Variants in ZNF483 observed in about 807,000 individuals in gnomAD.
The protein encoded by ZNF483 is zinc finger protein HIT-10.
In ZNF483, 9 loss-of-function variants were observed where a neutral mutation model predicts 28.6. The observed-to-expected ratio is 0.32, with a 90% CI of 0.19 to 0.55. The LOEUF (loss-of-function observed/expected upper bound fraction) is 0.55. Ranked by LOEUF, ZNF483 falls within the 20% of genes least tolerant of loss-of-function variation. The pLI, the probability that ZNF483 is intolerant of heterozygous loss-of-function variation, is 0.93. For missense variants in ZNF483, 675 were observed against 871.7 expected (o/e 0.77, Z 2.84); for synonymous variants, 322 against 306.2 (o/e 1.05, Z -0.54).
chr9:111,574,605 A>T (rs1455631732), intron 5 of ZNF483: 29 of 143,654 alleles, frequency 2.0e-4, no homozygotes, highest in Middle Eastern at 3.3e-3. Flanking sequence ...ACTCTGTCTT[A>T]AAAAAAAAAA....
At chr9:111,568,217 A>G (rs1828657253) in intron 5 of ZNF483, among the ~76,000 whole-genome samples, 1 of 152,178 alleles carries the variant, frequency 6.6e-6, no homozygotes, top group Admixed American at 6.5e-5. Context: ...TAGGGAAGAT[A>G]TTGCTAAATT....
At position 111,527,323 on chromosome 9, in the gene ZNF483, T is replaced by C. The variant is rs1456436974; in HGVS notation, c.-73T>C. 5 of 1,481,032 alleles carry C rather than the reference T, an allele frequency of 3.4e-6. No individual in the cohort carries two copies. The highest frequency in any genetic ancestry group is 4.6e-5 in the East Asian group (2 of 43,886). 91.7% of individuals were successfully genotyped at this position (1,481,032 alleles called of 1,614,324 possible). A position where few individuals can be genotyped will look rare whatever the true frequency, so the allele number is the denominator to read the frequency against. Reference sequence around the variant, plus strand: ...AACCTTTGATATTCCTGGCTGTGTATAGTGCCTGTTGGTGGACTGTACTGA... The same window carrying C: ...AACCTTTGATATTCCTGGCTGTGTACAGTGCCTGTTGGTGGACTGTACTGA... On this transcript the variant is annotated 5_prime_UTR_variant, in exon 2 of 6. Transcript: ENST00000309235.
intron 5 of ZNF483, among the ~76,000 whole-genome samples, chr9:111,560,546 C>T (rs1228348844): frequency 1.4e-5 from 2 of 138,078 alleles, no homozygotes; most frequent in Admixed American, 1.6e-4. Context: ...GAGGCTGAGG[C>T]AGGAGAATTG....
intron 5 of ZNF483, among the ~76,000 whole-genome samples, chr9:111,567,293 T>G (rs1828606678): frequency 6.6e-6 from 1 of 152,170 alleles, no homozygotes; most frequent in Non-Finnish European, 1.5e-5. Flanking sequence ...GTTCAAGCGA[T>G]TCTCCTGCCT....
chr9:111,555,170 C>T lies in ZNF483; in HGVS notation c.*12000C>T, dbSNP rs983518957. On this transcript the variant is annotated 3_prime_UTR_variant, in exon 6 of 6. Transcript: ENST00000309235. ...AGTCTTCTATCTTATTTCCATCCTC[C>T]TCCAGGCCCAGGGTACCCAAGTTAA... Among the ~76,000 whole-genome samples the T allele has an allele frequency of 6.6e-6, 1 of 152,104 alleles. No homozygotes were observed. The highest frequency in any genetic ancestry group is 6.6e-5 in the Admixed American group (1 of 15,254).
In ZNF483 at chr9:111,548,701, T is replaced by C. The variant is rs1000455626; in HGVS notation, c.*5531T>C. The stretch of plus-strand genomic sequence containing the variant: ...GCTTTCTATTTTATATCATTCCGTA[T>C]GATGTTAGCTGTGGTCTTTTCATAT... On this transcript the variant is annotated 3_prime_UTR_variant, in exon 6 of 6. Transcript: ENST00000309235. Among the ~76,000 whole-genome samples the C allele has an allele frequency of 6.6e-6, 1 of 152,234 alleles. No individual in the cohort carries two copies. Among genetic ancestry groups the C allele is most frequent in the Admixed American group, 6.5e-5 (1 of 15,284 alleles).
exon 6 of ZNF483, chr9:111,576,381 A>G (rs1471775222): frequency 1.9e-6 from 3 of 1,613,924 alleles, no homozygotes; most frequent in Non-Finnish European, 2.5e-6. Flanking sequence ...ATGGAGCAGT[A>G]AAAAAGATGC....
intron 3 of ZNF483, among the ~76,000 whole-genome samples, chr9:111,533,280 G>A (rs1827395376): frequency 6.6e-6 from 1 of 152,228 alleles, no homozygotes; most frequent in Non-Finnish European, 1.5e-5. Flanking sequence ...GGCAGGGATT[G>A]TGTAATACCC....
Position 111,548,350 on chromosome 9 carries a change from A to G in ZNF483, c.*5180A>G, listed in dbSNP as rs536870216. ...CAATGTGTTACAGTTGTCATTGTACAAGTCTTTTGCCTCCTTGGTCAAGTT... is the reference window on the plus strand; with the variant it reads ...CAATGTGTTACAGTTGTCATTGTACGAGTCTTTTGCCTCCTTGGTCAAGTT... On this transcript the variant is annotated 3_prime_UTR_variant, in exon 6 of 6. Transcript: ENST00000309235. Among the ~76,000 whole-genome samples the G allele has an allele frequency of 2.8e-4, 42 of 152,300 alleles. No individual in the cohort carries two copies. The highest frequency in any genetic ancestry group is 5.3e-4 in the Non-Finnish European group (36 of 68,012).
intron 5 of ZNF483, chr9:111,574,960 A>T (rs1828994641): frequency 1.3e-6 from 1 of 780,754 alleles, no homozygotes; most frequent in South Asian, 1.8e-5. Flanking sequence ...AACTGACTGA[A>T]TTAGCCCAAC....
downstream of ZNF483, among the ~76,000 whole-genome samples, chr9:111,559,243 C>T (rs1589287399): frequency 6.6e-6 from 1 of 152,132 alleles, no homozygotes; most frequent in East Asian, 1.9e-4. Flanking sequence ...CACACCAGGC[C>T]ACCCCTTCAC....
intron 3 of ZNF483, 134 bp downstream of exon 3, chr9:111,531,097 G>T: frequency 3.9e-6 from 1 of 253,968 alleles, no homozygotes; most frequent in Non-Finnish European, 7.9e-6. Context: ...GGGAGGCTGA[G>T]GCAGGAAGAT....
chr9:111,566,060 G>A (rs941859299), intron 5 of ZNF483, among the ~76,000 whole-genome samples: 4 of 152,000 alleles, frequency 2.6e-5, no homozygotes, highest in Non-Finnish European at 5.9e-5. Flanking sequence ...AAAAATAGCC[G>A]AGAATGGTGG....
At position 111,553,746 on chromosome 9, in the gene ZNF483, T is replaced by G. The variant is rs1488336552; in HGVS notation, c.*10576T>G. ...TAGTGGAAAAGTATTTGACTCTGCT[T>G]CTGTTTTTAAAATTGTGAAATGTGG... On this transcript the variant is annotated 3_prime_UTR_variant, in exon 6 of 6. Coordinates refer to ENST00000309235, the MANE Select transcript of ZNF483 (RefSeq NM_133464.5). Among the ~76,000 whole-genome samples the G allele has an allele frequency of 6.6e-6, 1 of 152,252 alleles. No homozygotes were observed. The highest frequency in any genetic ancestry group is 2.4e-5 in the African/African-American group (1 of 41,478).
chr9:111,543,565 T>G lies in ZNF483; in HGVS notation c.*395T>G, dbSNP rs1827726245. On this transcript the variant is annotated 3_prime_UTR_variant, in exon 6 of 6. Transcript: ENST00000309235. The stretch of plus-strand genomic sequence containing the variant: ...ACACCTTGGACAAGTCATTTGACCT[T>G]TCAGAATTTTATTTTCGTCACCAGC... 1.0e-6 allele frequency: 1 copy of G among 991,750 alleles called. No individual in the cohort carries two copies. Among genetic ancestry groups the G allele is most frequent in the South Asian group, 4.7e-5 (1 of 21,380 alleles). The allele number at this position is 991,750 out of a possible 1,614,324, so 61.4% of individuals were successfully genotyped here. A position where few individuals can be genotyped will look rare whatever the true frequency, so the allele number is the denominator to read the frequency against.
chr9:111,529,998 A>T (rs1346729374), intron 2 of ZNF483, among the ~76,000 whole-genome samples: 1 of 152,204 alleles, frequency 6.6e-6, no homozygotes, highest in Non-Finnish European at 1.5e-5. Flanking sequence ...TTTTAACCAC[A>T]CTTGAGTTTA....
At chr9:111,576,330 C>A in intron 5 of ZNF483, 1 of 1,612,098 alleles carries the variant, frequency 6.2e-7, no homozygotes, top group Non-Finnish European at 8.5e-7. Context: ...TAACCTCAAA[C>A]CAGTACTCAC....
chr9:111,542,600 T>C lies in ZNF483; in HGVS notation c.1665T>C (p.Asn555=). 1 of 1,613,942 alleles carries C rather than the reference T, an allele frequency of 6.2e-7. No individual in the cohort carries two copies. Among genetic ancestry groups the C allele is most frequent in the Non-Finnish European group, 8.5e-7 (1 of 1,179,970 alleles). ...GAGAAAAACCCTATACATGTAGCAA[T>C]TGTGGAAAATCCTTCAGTCATAGCT... The part of the protein sequence containing the change: ...HTGEKPYTCS[N]CGKSFSHSSS... The change falls in exon 6 of 6, where the codon AAT becomes AAC. Residue 555 remains asparagine, a synonymous_variant. Coordinates refer to ENST00000309235, the MANE Select transcript of ZNF483 (RefSeq NM_133464.5). This position sits in a 1 kb window ranked among gnomAD's most constrained non-coding sequence, Gnocchi z 6.2.
rs1473235076 is a variant in ZNF483 at position 111,549,834 on chromosome 9, C to T, written c.*6664C>T. The T allele has an allele frequency of 2.9e-6, 4 of 1,356,378 alleles. No homozygotes were observed. Among genetic ancestry groups the T allele is most frequent in the Non-Finnish European group, 4.1e-6 (4 of 971,828 alleles). The allele number at this position is 1,356,378 out of a possible 1,614,324, so 84.0% of individuals were successfully genotyped here. A position where few individuals can be genotyped will look rare whatever the true frequency, so the allele number is the denominator to read the frequency against. On this transcript the variant is annotated 3_prime_UTR_variant, in exon 6 of 6. Transcript: ENST00000309235. ...CAATCAGAACATTTAGCTCTTTGAG[C>T]ATCTTTAAGGCAGTTGCTTTAAAGT... is the stretch of plus-strand genomic sequence containing the variant.
Sources: gnomAD v4.1 joint callset for allele counts (sites outside exome capture counted in the v4.1 genomes callset) on GRCh38, gnomAD v4.1.1 for gene constraint, Gnocchi (gnomAD v3.1) non-coding constraint, MANE v1.5 for transcripts, NCBI Gene and HGNC (gene_info 2026-07-23, HGNC 2026-07-21) for gene names.